The following GTF2I variants were observed in gnomAD, a reference collection of about 807,000 sequenced individuals.
GTF2I encodes the protein general transcription factor IIi.
A neutral mutation model predicts 67.6 loss-of-function variants in GTF2I; 12 were observed. The observed-to-expected ratio is 0.18, with a 90% CI of 0.11 to 0.29. The LOEUF (loss-of-function observed/expected upper bound fraction) is 0.29, where lower values mean the gene tolerates loss of function less well. Ranked by LOEUF, GTF2I falls within the 10% of genes least tolerant of loss-of-function variation. GTF2I has a pLI of 1.00. For synonymous variants in GTF2I, 149 were observed against 197.0 expected (o/e 0.76, Z 2.04); for missense variants, 271 against 580.1 (o/e 0.47, Z 5.47).
At chr7:74,663,514 C>G (rs1453858213) in intron 1 of GTF2I, among the ~76,000 whole-genome samples, 2 of 152,174 alleles carry the variant, frequency 1.3e-5, no homozygotes, top group African/African-American at 4.8e-5. Flanking sequence ...TGGTCTCCAA[C>G]TCCTGACCTC....
chr7:74,665,332 A>T (rs368489338), intron 1 of GTF2I, among the ~76,000 whole-genome samples: 5 of 151,022 alleles, frequency 3.3e-5, no homozygotes, highest in African/African-American at 9.8e-5. Flanking sequence ...GCTCACTACA[A>T]CCCCTGCCTC....
At chr7:74,703,535 A>G (rs1554400427) in intron 6 of GTF2I, among the ~76,000 whole-genome samples, 2 of 152,104 alleles carry the variant, frequency 1.3e-5, no homozygotes, top group African/African-American at 4.8e-5. Context: ...GCCCGCCACC[A>G]TGCCCGGATA....
intron 15 of GTF2I, among the ~76,000 whole-genome samples, chr7:74,732,983 T>C (rs1240782862): frequency 6.6e-6 from 1 of 151,518 alleles, no homozygotes; most frequent in Non-Finnish European, 1.5e-5. Flanking sequence ...ATTTTTTTTT[T>C]CGAGATGGAG....
intron 2 of GTF2I, 52 bp downstream of exon 2, chr7:74,689,279 T>A: frequency 1.2e-6 from 1 of 844,498 alleles, no homozygotes; most frequent in Non-Finnish European, 1.9e-6. Flanking sequence ...GCACTGTAGA[T>A]AAGGTTGATT....
rs1041032592 is a variant in GTF2I at position 74,660,557 on chromosome 7, G to T, written c.-6+2489G>T. ...TCTTAGTCTCCCAATCAACTTGTGT[G>T]CCCTTCCTCGCAGGGCACCTTTATT... is the stretch of plus-strand genomic sequence containing the variant. On this transcript the variant is annotated intron_variant, in intron 1 of 34. Transcript: ENST00000573035. Among the ~76,000 whole-genome samples, 29 of 151,346 alleles carry T rather than the reference G, an allele frequency of 1.9e-4. 1 individual carries two copies. The highest frequency in any genetic ancestry group is 6.6e-4 in the Admixed American group (10 of 15,176).
chr7:74,700,135 CAT>C, intron 4 of GTF2I, 110 bp from the exon 5 acceptor site: 3 of 1,075,306 alleles, frequency 2.8e-6, no homozygotes, highest in Non-Finnish European at 4.0e-6. Flanking sequence ...ATTTTGAAAT[CAT>C]ATATTATAAA....
intron 4 of GTF2I, 149 bp from the exon 5 acceptor site, chr7:74,700,098 G>A (rs1789528415): frequency 3.9e-6 from 3 of 771,706 alleles, no homozygotes; most frequent in East Asian, 5.4e-5. Flanking sequence ...GCTGACATGG[G>A]GAGATAGAAT....
At chr7:74,712,025 C>A (rs1017875955) in intron 9 of GTF2I, among the ~76,000 whole-genome samples, 1 of 150,452 alleles carries the variant, frequency 6.6e-6, no homozygotes, top group African/African-American at 2.4e-5. Context: ...TCTTGGCTCA[C>A]TGCAACCTCC....
chr7:74,705,891 G>A (rs1376112974), intron 7 of GTF2I, among the ~76,000 whole-genome samples: 1 of 151,536 alleles, frequency 6.6e-6, no homozygotes, highest in Non-Finnish European at 1.5e-5. Context: ...CTACTCTGTA[G>A]TATTTTATTG....
At chr7:74,659,761 G>A (rs1363777629) in intron 1 of GTF2I, among the ~76,000 whole-genome samples, 1 of 151,888 alleles carries the variant, frequency 6.6e-6, no homozygotes, top group Non-Finnish European at 1.5e-5. Context: ...TAGGCTGGTC[G>A]GGAACTCCTG....
At position 74,706,385 on chromosome 7, in the gene GTF2I, T is replaced by G; in HGVS notation, c.642-5T>G. 1 of 1,613,326 alleles carries G rather than the reference T, an allele frequency of 6.2e-7. No homozygotes were observed. Among genetic ancestry groups the G allele is most frequent in the Non-Finnish European group, 8.5e-7 (1 of 1,179,322 alleles). The stretch of plus-strand genomic sequence containing the variant: ...GGCTTGATCAGGGCTTTCTTCTCCT[T>G]GCAGTTGTGGCCCCATCAAAGTGAA... On this transcript the variant is annotated splice_polypyrimidine_tract_variant and splice_region_variant and intron_variant, in intron 7 of 34. Coordinates refer to ENST00000573035, the MANE Select transcript of GTF2I (RefSeq NM_032999.4).
chr7:74,705,344 G>A (rs1554401068), intron 7 of GTF2I, 126 bp downstream of exon 7: 1 of 664,588 alleles, frequency 1.5e-6, no homozygotes, highest in Admixed American at 2.6e-5. Flanking sequence ...AATAGGCAAG[G>A]ATATCATTTG....
intron 1 of GTF2I, among the ~76,000 whole-genome samples, chr7:74,668,883 G>T (rs1413361322): frequency 1.3e-5 from 2 of 151,994 alleles, no homozygotes; most frequent in East Asian, 3.9e-4. Context: ...AGAAGGGATC[G>T]TTTAAATTTT....
At chr7:74,694,943 A>C (rs587708225) in intron 3 of GTF2I, among the ~76,000 whole-genome samples, 2 of 152,254 alleles carry the variant, frequency 1.3e-5, no homozygotes, top group Admixed American at 6.5e-5. Context: ...CCTGTGCTCT[A>C]TTGATAGAAC....
chr7:74,677,635 A>T (rs1554392768), intron 1 of GTF2I, among the ~76,000 whole-genome samples: 1 of 151,820 alleles, frequency 6.6e-6, no homozygotes, highest in South Asian at 2.1e-4. Flanking sequence ...AAAGAAAATT[A>T]GCCGGGCGTG....
At chr7:74,723,859 A>G (rs1793429455) in intron 12 of GTF2I, among the ~76,000 whole-genome samples, 1 of 152,046 alleles carries the variant, frequency 6.6e-6, no homozygotes, top group Non-Finnish European at 1.5e-5. Flanking sequence ...AGGGGGAAAA[A>G]AAAAAAAAGA....
intron 6 of GTF2I, among the ~76,000 whole-genome samples, chr7:74,703,742 A>G (rs1554400496): frequency 1.3e-5 from 2 of 152,216 alleles, no homozygotes; most frequent in African/African-American, 4.8e-5. Flanking sequence ...GCATGAAGAT[A>G]TGACTTCTGT....
At chr7:74,730,975 A>G (rs810368) in intron 14 of GTF2I, among the ~76,000 whole-genome samples, 95,332 of 111,778 alleles carry the variant, frequency 0.85, 40,913 homozygotes, top group East Asian at 0.97. Flanking sequence ...CCAAAGTGCT[A>G]GCATTACAGG....
intron 7 of GTF2I, 42 bp downstream of exon 7, chr7:74,705,260 C>T: frequency 8.2e-7 from 1 of 1,212,366 alleles, no homozygotes. Flanking sequence ...TCCCACACCT[C>T]AAAAAGTTTT....
Sources: gnomAD v4.1 joint callset for allele counts (sites outside exome capture counted in the v4.1 genomes callset) on GRCh38, gnomAD v4.1.1 for gene constraint, MANE v1.5 for transcripts, NCBI Gene and HGNC (gene_info 2026-07-23, HGNC 2026-07-21) for gene names.